Variants in ITGAX observed in about 807,000 individuals in gnomAD.
ITGAX encodes the protein integrin subunit alpha X, also known as integrin alpha-X.
In ITGAX, 99 loss-of-function variants were observed where a neutral mutation model predicts 140.2. The ratio of observed to expected loss-of-function variants is 0.71; its 90% CI spans 0.60 to 0.83. The LOEUF (loss-of-function observed/expected upper bound fraction) is 0.83. Among genes scored for constraint, ITGAX ranks in the 40% least tolerant of loss-of-function variants. The pLI, the probability that ITGAX is intolerant of heterozygous loss-of-function variation, is 0.00. For synonymous variants in ITGAX, 631 were observed against 600.4 expected (o/e 1.05, Z -0.75); for missense variants, 1,444 against 1,482.0 (o/e 0.97, Z 0.42).
Position 31,380,050 on chromosome 16 carries a change from G to A in ITGAX, c.3045G>A (p.Gln1015=). Residue 1015 remains glutamine (Q), a synonymous_variant, in exon 26 of 30, where the codon CAG becomes CAA. Transcript: ENST00000268296. ...PPASDFLAHI[Q]KNPVLDCSIA... is the part of the protein sequence containing the mutation. The stretch of plus-strand genomic sequence containing the variant: ...CATCTGACTTCCTGGCGCACATTCA[G>A]AAGAATCCCGTGCTGGTGAGGAGGG... The A allele has an allele frequency of 6.2e-7, 1 of 1,614,116 alleles. No homozygotes were observed. The highest frequency in any genetic ancestry group is 8.5e-7 in the Non-Finnish European group (1 of 1,179,998).
Position 31,363,078 on chromosome 16 carries a change from GAGTGGCTGAT to G in ITGAX, c.1500+4_1500+13del. 1 of 1,463,530 alleles carries G rather than the reference GAGTGGCTGAT, an allele frequency of 6.8e-7. No individual in the cohort carries two copies. Among genetic ancestry groups the G allele is most frequent in the Non-Finnish European group, 9.4e-7 (1 of 1,059,578 alleles). The allele number at this position is 1,463,530 out of a possible 1,614,324, so 90.7% of individuals were successfully genotyped here. A position where few individuals can be genotyped will look rare whatever the true frequency, so the allele number is the denominator to read the frequency against. On this transcript the variant is annotated splice_donor_5th_base_variant and intron_variant, in intron 13 of 29. Transcript: ENST00000268296. ...CTGTGTGTCCCTTGCCCAGGGGGGT[GAGTGGCTGAT>G]GGGCCTGGGGTGGGTGGGGTCTGGT...
chr16:31,373,805 T>C (rs2080995581), intron 20 of ITGAX, among the ~76,000 whole-genome samples: 1 of 152,246 alleles, frequency 6.6e-6, no homozygotes, highest in African/African-American at 2.4e-5. Flanking sequence ...GCGTGGTCTG[T>C]GTCACAGCTG....
intron 8 of ITGAX, 159 bp downstream of exon 8, chr16:31,360,622 T>G: frequency 1.5e-6 from 1 of 660,616 alleles, no homozygotes. Flanking sequence ...TGGGCTCCAG[T>G]GATCCTCCCA....
Position 31,359,963 on chromosome 16 carries a change from C to T in ITGAX, c.605C>T (p.Thr202Ile). 39 of 1,614,200 alleles carry T rather than the reference C, an allele frequency of 2.4e-5. No homozygotes were observed. Among genetic ancestry groups the T allele is most frequent in the Non-Finnish European group, 3.2e-5 (38 of 1,180,048 alleles). The stretch of plus-strand genomic sequence containing the variant: ...TCCAACAAATTCCAAACACACTTCA[C>T]TTTCGAGGAATTCAGGCGCAGCTCA... ...QFSNKFQTHF[T>I]FEEFRRSSNP... The change falls in exon 7 of 30, where the codon ACT (threonine) becomes ATT (isoleucine). Residue 202 changes from threonine (T) to isoleucine (I), a missense_variant. Physicochemically the swap from Thr to Ile is moderately conservative, Grantham distance 89. Coordinates refer to ENST00000268296, the MANE Select transcript of ITGAX (RefSeq NM_000887.5).
chr16:31,378,150 TCCCCTC>T (rs1445828484), intron 23 of ITGAX, among the ~76,000 whole-genome samples: 1 of 151,708 alleles, frequency 6.6e-6, no homozygotes, highest in African/African-American at 2.4e-5. Flanking sequence ...GGGCCCTCCC[TCCCCTC>T]CAAGCCCCAG....
Position 31,369,300 on chromosome 16 carries a change from C to CA in ITGAX, c.1711-1783dup, listed in dbSNP as rs1491558684. Among the ~76,000 whole-genome samples the CA allele has an allele frequency of 8.8e-5, 12 of 136,014 alleles. No individual in the cohort carries two copies. In the East Asian group the frequency reaches 2.6e-3, roughly 29 times the overall value. 89.2% of individuals were successfully genotyped at this position (136,014 alleles called of 152,430 possible). A position where few individuals can be genotyped will look rare whatever the true frequency, so the allele number is the denominator to read the frequency against. Reference sequence around the variant, plus strand: ...CGGGCGGGGGGCTGACCCCCCCCCCCACCTCCCTCCCGGACGGGGCAGCTG... The same window carrying CA: ...CGGGCGGGGGGCTGACCCCCCCCCCCAACCTCCCTCCCGGACGGGGCAGCTG... On this transcript the variant is annotated intron_variant, in intron 14 of 29. Transcript: ENST00000268296.
chr16:31,363,119 T>A, intron 13 of ITGAX, 44 bp downstream of exon 13: 1 of 1,604,526 alleles, frequency 6.2e-7, no homozygotes, highest in Middle Eastern at 1.8e-4. Context: ...CTGGTGTGGG[T>A]GGAGGGGTTG....
In ITGAX at chr16:31,363,037, C is replaced by A; in HGVS notation, c.1462C>A (p.Arg488=). ...GGCCCCCCATTACTACGAGCAGACC[C>A]GAGGGGGCCAGGTGTCTGTGTGTCC... ...IGAPHYYEQT[R]GGQVSVCPLP... Residue 488 remains arginine, a synonymous_variant, in exon 13 of 30, where the codon CGA becomes AGA. Transcript: ENST00000268296. The A allele has an allele frequency of 2.8e-6, 4 of 1,425,818 alleles. No individual in the cohort carries two copies. The highest frequency in any genetic ancestry group is 3.8e-6 in the Non-Finnish European group (4 of 1,065,596). 88.3% of individuals were successfully genotyped at this position (1,425,818 alleles called of 1,614,324 possible).
chr16:31,373,568 C>A (rs2080993544), intron 20 of ITGAX, among the ~76,000 whole-genome samples, 178 bp downstream of exon 20: 1 of 152,226 alleles, frequency 6.6e-6, no homozygotes. Context: ...GGAATGATTT[C>A]CTGAGAGGCC....
intron 26 of ITGAX, 93 bp downstream of exon 26, chr16:31,380,158 A>G (rs533972303): frequency 6.6e-7 from 1 of 1,520,704 alleles, no homozygotes; most frequent in South Asian, 1.1e-5. Context: ...CTGCTGAAGT[A>G]CCCTCTTGCA....
Position 31,372,672 on chromosome 16 carries a change from T to A in ITGAX, c.2366+2T>A, listed in dbSNP as rs771284569. 1 of 1,613,678 alleles carries A rather than the reference T, an allele frequency of 6.2e-7. No individual in the cohort carries two copies. On this transcript the variant is annotated splice_donor_variant, in intron 19 of 29. Coordinates refer to ENST00000268296, the MANE Select transcript of ITGAX (RefSeq NM_000887.5). LOFTEE classifies it high-confidence loss of function. ...CGGCATCTCCTTCAGCTTCCCAGGG[T>A]GAGCGCCCCCACCTTAGACCTGCCC...
At position 31,381,839 on chromosome 16, in the gene ITGAX, G is replaced by A. The variant is rs376180003; in HGVS notation, c.3424G>A (p.Glu1142Lys). 1.1e-6 allele frequency: 1 copy of A among 873,862 alleles called. No individual in the cohort carries two copies. Among genetic ancestry groups the A allele is most frequent in the African/African-American group, 1.6e-5 (1 of 61,256 alleles). The allele number at this position is 873,862 out of a possible 1,614,324, so 54.1% of individuals were successfully genotyped here. A position where few individuals can be genotyped will look rare whatever the true frequency, so the allele number is the denominator to read the frequency against. The stretch of plus-strand genomic sequence containing the variant: ...CAAGCGTCAGTACAAGGAAATGATG[G>A]AGGAGGCAAATGGACAAATTGCCCC... ...FFKRQYKEMM[E>K]EANGQIAPEN... Residue 1142 changes from glutamate (E) to lysine (K), a missense_variant, in exon 30 of 30, where the codon GAG (glutamate) becomes AAG (lysine). Glu to Lys is a moderately conservative substitution (Grantham distance 56, BLOSUM62 1). Transcript: ENST00000268296.
At chr16:31,364,426 C>CAAAAAA (rs56776715) in intron 14 of ITGAX, among the ~76,000 whole-genome samples, 1 of 42,452 alleles carries the variant, frequency 2.4e-5, no homozygotes. Flanking sequence ...AATCCCGTGT[C>CAAAAAA]AAAAAAAAAA....
At position 31,357,016 on chromosome 16, in the gene ITGAX, T is replaced by TA. The variant is rs778391778; in HGVS notation, c.248-14dup. ...GTACCCCCGAGAGTGACCATGCACATATCTGTCCCCACAGTGCCCCCGGAG... is the reference window on the plus strand; with the variant it reads ...GTACCCCCGAGAGTGACCATGCACATAATCTGTCCCCACAGTGCCCCCGGAG... On this transcript the variant is annotated splice_polypyrimidine_tract_variant and intron_variant, in intron 3 of 29. Coordinates refer to ENST00000268296, the MANE Select transcript of ITGAX (RefSeq NM_000887.5). 6.2e-6 allele frequency: 10 copies of TA among 1,602,774 alleles called. No individual in the cohort carries two copies. Among genetic ancestry groups the TA allele is most frequent in the Non-Finnish European group, 8.5e-6 (10 of 1,176,576 alleles).
chr16:31,371,436 C>G lies in ITGAX; in HGVS notation c.1944C>G (p.Thr648=). 1 of 1,614,156 alleles carries G rather than the reference C, an allele frequency of 6.2e-7. No homozygotes were observed. Among genetic ancestry groups the G allele is most frequent in the Non-Finnish European group, 8.5e-7 (1 of 1,180,018 alleles). The part of the protein sequence containing the change: ...ECREQVVSEQ[T]LVQSNICLYI... ...GGGAGCAGGTGGTCTCTGAGCAGAC[C>G]CTGGTACAGTCCAACATCTGCCTTT... The change falls in exon 16 of 30, where the codon ACC becomes ACG. Residue 648 remains threonine, a synonymous_variant. Transcript: ENST00000268296.
At chr16:31,372,349 C>T (rs1244934577) in intron 17 of ITGAX, 29 bp from the exon 18 acceptor site, 2 of 1,584,660 alleles carry the variant, frequency 1.3e-6, no homozygotes, top group Non-Finnish European at 1.7e-6. Context: ...TCCCCTTACC[C>T]TCCGCTCCCC....
rs200320931 is a variant in ITGAX, at chr16:31,360,049, G to A, written c.691G>A (p.Ala231Thr). 1.9e-5 allele frequency: 31 copies of A among 1,611,104 alleles called. No homozygotes were observed. Among genetic ancestry groups the A allele is most frequent in the South Asian group, 6.6e-5 (6 of 91,076 alleles). Residue 231 changes from alanine (A) to threonine (T), a missense_variant, in exon 7 of 30, where the codon GCC (alanine) becomes ACC (threonine). Physicochemically the swap from Ala to Thr is moderately conservative, Grantham distance 58. Transcript: ENST00000268296. ...QLQGFTYTAT[A>T]IQNVVHRLFH... ...GCAAGGGTTTACATACACGGCCACCGCCATCCAAAATGTCGTGTGAGTCCT... is the reference window on the plus strand; with the variant it reads ...GCAAGGGTTTACATACACGGCCACCACCATCCAAAATGTCGTGTGAGTCCT...
chr16:31,356,254 C>A (rs552309205), intron 2 of ITGAX: 1 of 478,400 alleles, frequency 2.1e-6, no homozygotes, highest in East Asian at 3.3e-5. Flanking sequence ...AGGAATCAGT[C>A]GTGCAACAAA....
At chr16:31,361,584 C>T in intron 9 of ITGAX, 1 of 714,318 alleles carries the variant, frequency 1.4e-6, no homozygotes, top group Admixed American at 2.4e-5. Flanking sequence ...CACCTGGCCC[C>T]CTCGGGTCTG....
Sources: gnomAD v4.1 joint callset for allele counts (sites outside exome capture counted in the v4.1 genomes callset) on GRCh38, gnomAD v4.1.1 for gene constraint, MANE v1.5 for transcripts, NCBI Gene and HGNC (gene_info 2026-07-23, HGNC 2026-07-21) for gene names.